SNTG2: variants seen among roughly 807,000 people sequenced by gnomAD.
SNTG2 encodes the protein syntrophin gamma 2, also known as gamma-2-syntrophin.
SNTG2 carries 74 observed loss-of-function variants against 70.9 expected under a neutral mutation model. The ratio of observed to expected loss-of-function variants is 1.04; its 90% CI spans 0.86 to 1.27. SNTG2 has a LOEUF of 1.27. Among genes scored for constraint, SNTG2 ranks in the 50% most tolerant of loss-of-function variants. The probability of loss-of-function intolerance (pLI) is 0.00; values close to 1 mark genes in which losing one functional copy is unlikely to be tolerated. For missense variants in SNTG2, 717 were observed against 690.7 expected (o/e 1.04, Z -0.43); for synonymous variants, 278 against 273.8 (o/e 1.02, Z -0.15).
chr2:1,220,500 C>T (rs76208709), intron 9 of SNTG2, among the ~76,000 whole-genome samples: 4,307 of 152,276 alleles, frequency 0.028, 92 homozygotes, highest in South Asian at 0.075. Context: ...CCTGGAGAGC[C>T]CCGGTCTGAG....
chr2:1,332,154 T>C (rs1659567447), intron 16 of SNTG2, among the ~76,000 whole-genome samples: 1 of 152,242 alleles, frequency 6.6e-6, no homozygotes, highest in Non-Finnish European at 1.5e-5. Context: ...AAAAATTTAC[T>C]ATGTCCAAAG....
chr2:1,148,258 G>C (rs559761952), intron 6 of SNTG2, among the ~76,000 whole-genome samples: 2 of 152,328 alleles, frequency 1.3e-5, no homozygotes, highest in South Asian at 2.1e-4. Flanking sequence ...TTCCTGGTTG[G>C]TCCCACTCCT....
rs1665469913 is a variant in SNTG2, at chr2:1,097,471, C to T, written c.211-725C>T. 6.6e-6 allele frequency among the ~76,000 whole-genome samples: 1 copy of T among 152,184 alleles called. No homozygotes were observed. The highest frequency in any genetic ancestry group is 2.4e-5 in the African/African-American group (1 of 41,444). On this transcript the variant is annotated intron_variant, in intron 2 of 16. Coordinates refer to ENST00000308624, the MANE Select transcript of SNTG2 (RefSeq NM_018968.4). The surrounding 1 kb of genome is among the most constrained non-coding windows in gnomAD (Gnocchi z 4.1). Reference sequence around the variant, plus strand: ...CCCTTTGGCCACTGTCCGTCTACCCCAGGCTGCCTCTGTGCGCCCCCTCAG... The same window carrying T: ...CCCTTTGGCCACTGTCCGTCTACCCTAGGCTGCCTCTGTGCGCCCCCTCAG...
intron 4 of SNTG2, among the ~76,000 whole-genome samples, chr2:1,133,703 AT>A (rs10547436): frequency 2.9e-3 from 444 of 151,660 alleles, no homozygotes; most frequent in African/African-American, 0.01. Flanking sequence ...CCACTTTTTA[AT>A]TTTTTTTAAG....
At chr2:1,124,305 A>ATTTTTTTTTTTTT (rs763685919) in intron 4 of SNTG2, among the ~76,000 whole-genome samples, 2 of 147,430 alleles carry the variant, frequency 1.4e-5, no homozygotes. Context: ...TCTTTTTTTA[A>ATTTTTTTTTTTTT]TTTTTCTCAG....
intron 8 of SNTG2, among the ~76,000 whole-genome samples, chr2:1,208,188 C>T (rs28430289): frequency 0.31 from 47,286 of 151,940 alleles, 7,940 homozygotes; most frequent in East Asian, 0.65. Flanking sequence ...ACCAGAAATG[C>T]CTTGTGAGTG....
intron 11 of SNTG2, among the ~76,000 whole-genome samples, chr2:1,241,643 T>A (rs930056620): frequency 6.6e-6 from 1 of 152,114 alleles, no homozygotes; most frequent in African/African-American, 2.4e-5. Context: ...TTAATCCTCC[T>A]TATCATCAAC....
At chr2:1,076,524 T>C (rs544484518) in intron 1 of SNTG2, among the ~76,000 whole-genome samples, 83 of 152,344 alleles carry the variant, frequency 5.4e-4, no homozygotes, top group Non-Finnish European at 1.1e-3. Flanking sequence ...AATAATTATT[T>C]GGTGAGTGTT....
intron 16 of SNTG2, among the ~76,000 whole-genome samples, chr2:1,323,024 G>C (rs752837965): frequency 6.6e-6 from 1 of 152,110 alleles, no homozygotes; most frequent in Non-Finnish European, 1.5e-5. Flanking sequence ...AATTAGACAT[G>C]ATCTACCCCA....
intron 9 of SNTG2, among the ~76,000 whole-genome samples, chr2:1,220,757 G>T (rs1034746976): frequency 6.6e-6 from 1 of 152,220 alleles, no homozygotes; most frequent in Non-Finnish European, 1.5e-5. Flanking sequence ...GGGGCCACGT[G>T]TTTAAGATCT....
intron 4 of SNTG2, among the ~76,000 whole-genome samples, chr2:1,116,795 T>G (rs1667022252): frequency 6.8e-6 from 1 of 148,032 alleles, no homozygotes; most frequent in South Asian, 2.2e-4. Context: ...GGTGTGTGGG[T>G]GCCCTGGTTT....
At chr2:1,061,945 A>G (rs1291568412) in intron 1 of SNTG2, among the ~76,000 whole-genome samples, 1 of 152,230 alleles carries the variant, frequency 6.6e-6, no homozygotes, top group East Asian at 1.9e-4. Context: ...AATATATACT[A>G]TAAATCTATA....
intron 1 of SNTG2, among the ~76,000 whole-genome samples, chr2:1,064,632 T>A (rs1663036691): frequency 6.6e-6 from 1 of 152,110 alleles, no homozygotes. Context: ...TAGGAAAAGC[T>A]TTTATTCTCA....
chr2:1,050,589 G>A (rs1423521920), intron 1 of SNTG2, among the ~76,000 whole-genome samples: 2 of 152,014 alleles, frequency 1.3e-5, no homozygotes, highest in African/African-American at 4.8e-5. Flanking sequence ...CTGATATCTG[G>A]CAATATGAAT....
intron 7 of SNTG2, among the ~76,000 whole-genome samples, chr2:1,169,876 TCTCC>T (rs1474306963): frequency 6.6e-6 from 1 of 152,174 alleles, no homozygotes; most frequent in Non-Finnish European, 1.5e-5. Flanking sequence ...AAGTGTCTAT[TCTCC>T]TTTTATTTCA....
intron 6 of SNTG2, among the ~76,000 whole-genome samples, chr2:1,150,687 G>A (rs1669420393): frequency 1.4e-5 from 2 of 140,172 alleles, no homozygotes; most frequent in South Asian, 2.4e-4. Context: ...ATGGAAGTAC[G>A]ACCCACTCAG....
At position 1,209,160 on chromosome 2, in the gene SNTG2, C is replaced by T; in HGVS notation, c.649C>T (p.Leu217=). The T allele has an allele frequency of 6.2e-7, 1 of 1,613,986 alleles. No individual in the cohort carries two copies. The highest frequency in any genetic ancestry group is 8.5e-7 in the Non-Finnish European group (1 of 1,179,894). Residue 217 remains leucine (L), a synonymous_variant, in exon 9 of 17, where the codon CTG becomes TTG. Transcript: ENST00000308624. The part of the protein sequence containing the change: ...AKDPRYEKRW[L]DTLSVPLSMA... ...GGACCCGAGGTATGAGAAGCGCTGG[C>T]TGGACACCTTGTCCGTGCCTCTGTC...
At chr2:1,081,217 C>T (rs1379009867) in intron 1 of SNTG2, among the ~76,000 whole-genome samples, 2 of 152,210 alleles carry the variant, frequency 1.3e-5, no homozygotes, top group Non-Finnish European at 2.9e-5. Flanking sequence ...GCCTTGCCTC[C>T]CTCTGTGTGC....
intron 1 of SNTG2, among the ~76,000 whole-genome samples, chr2:1,007,195 C>T (rs1659598744): frequency 6.6e-6 from 1 of 152,012 alleles, no homozygotes; most frequent in Non-Finnish European, 1.5e-5. Flanking sequence ...CCCCACAGAT[C>T]CCAAAGGACA....
Sources: gnomAD v4.1 joint callset for allele counts (sites outside exome capture counted in the v4.1 genomes callset) on GRCh38, gnomAD v4.1.1 for gene constraint, Gnocchi (gnomAD v3.1) non-coding constraint, MANE v1.5 for transcripts, NCBI Gene and HGNC (gene_info 2026-07-23, HGNC 2026-07-21) for gene names.